Variants in GPC6 observed in about 807,000 individuals in gnomAD.
GPC6 encodes glypican 6.
In GPC6, 14 loss-of-function variants were observed where a neutral mutation model predicts 55.2. The ratio of observed to expected loss-of-function variants is 0.25; its 90% confidence interval spans 0.17 to 0.40. The LOEUF (loss-of-function observed/expected upper bound fraction) is 0.40. Ranked by LOEUF, GPC6 falls within the 10% of genes least tolerant of loss-of-function variation. The pLI, the probability that GPC6 is intolerant of heterozygous loss-of-function variation, is 1.00. For synonymous variants in GPC6, 278 were observed against 259.6 expected (o/e 1.07, Z -0.68); for missense variants, 641 against 708.5 (o/e 0.90, Z 1.08).
At chr13:93,739,867 C>G (rs1252807427) in intron 2 of GPC6, among the ~76,000 whole-genome samples, 4 of 152,028 alleles carry the variant, frequency 2.6e-5, no homozygotes, top group Admixed American at 2.6e-4. Context: ...AGAAGTCACA[C>G]AGTAAATCAA....
At chr13:94,007,921 A>G (rs1566645462) in intron 3 of GPC6, among the ~76,000 whole-genome samples, 1 of 152,192 alleles carries the variant, frequency 6.6e-6, no homozygotes, top group African/African-American at 2.4e-5. Flanking sequence ...TCACTTAAAA[A>G]AAGGAGAAAG....
At chr13:94,236,186 T>A (rs1483863304) in intron 4 of GPC6, among the ~76,000 whole-genome samples, 1 of 152,152 alleles carries the variant, frequency 6.6e-6, no homozygotes, top group African/African-American at 2.4e-5. Context: ...GTTTCATCAT[T>A]AATTAAAGAA....
intron 4 of GPC6, among the ~76,000 whole-genome samples, chr13:94,060,175 G>C (rs1884270386): frequency 6.6e-6 from 1 of 152,162 alleles, no homozygotes; most frequent in Non-Finnish European, 1.5e-5. Context: ...ACACTCAAAT[G>C]TACCTAGTTA....
chr13:93,515,042 C>T (rs766560359), intron 1 of GPC6, among the ~76,000 whole-genome samples: 47 of 152,182 alleles, frequency 3.1e-4, no homozygotes, highest in Admixed American at 5.9e-4. Context: ...GGTGGAGGCT[C>T]ATGGTAGTAT....
chr13:93,667,748 T>TTTTTTTTTTC (rs1555322121), intron 2 of GPC6, among the ~76,000 whole-genome samples: 17 of 151,220 alleles, frequency 1.1e-4, no homozygotes, highest in Admixed American at 2.0e-4. Context: ...TTTTTTTTTT[T>TTTTTTTTTTC]CTGTCAAATT....
chr13:93,662,915 C>T (rs901439476), intron 2 of GPC6, among the ~76,000 whole-genome samples: 1 of 151,906 alleles, frequency 6.6e-6, no homozygotes, highest in African/African-American at 2.4e-5. Context: ...TAGAGTTAAT[C>T]AGAATTCTGG....
At chr13:93,282,166 G>A (rs1307208744) in intron 1 of GPC6, among the ~76,000 whole-genome samples, 1 of 152,174 alleles carries the variant, frequency 6.6e-6, no homozygotes, top group African/African-American at 2.4e-5. Flanking sequence ...GGGACCAAAT[G>A]TTTTGAAGTG....
chr13:93,635,593 G>A (rs1250404539), intron 2 of GPC6, among the ~76,000 whole-genome samples: 4 of 152,064 alleles, frequency 2.6e-5, no homozygotes, highest in African/African-American at 4.8e-5. Flanking sequence ...TCAAATATTC[G>A]CCTTCTGTTC....
intron 1 of GPC6, among the ~76,000 whole-genome samples, chr13:93,415,334 C>G (rs1383840129): frequency 6.6e-6 from 1 of 152,016 alleles, no homozygotes; most frequent in Non-Finnish European, 1.5e-5. Context: ...GGTTTATAAA[C>G]TAAACTTTCT....
At chr13:94,143,635 T>C (rs1887459680) in intron 4 of GPC6, among the ~76,000 whole-genome samples, 1 of 152,110 alleles carries the variant, frequency 6.6e-6, no homozygotes, top group African/African-American at 2.4e-5. Flanking sequence ...ATGCCTATAA[T>C]CCCTGCACTT....
At chr13:94,149,189 T>C (rs976709380) in intron 4 of GPC6, among the ~76,000 whole-genome samples, 1 of 152,034 alleles carries the variant, frequency 6.6e-6, no homozygotes, top group Non-Finnish European at 1.5e-5. Flanking sequence ...CCATGGACAG[T>C]GTAAGTACTG....
In GPC6 at chr13:94,388,086, G is replaced by A. The variant is rs141206638; in HGVS notation, c.1289+5536G>A. On this transcript the variant is annotated intron_variant, in intron 7 of 8. Transcript: ENST00000377047. ...CCAGATCTAGCACATAAAGATAATA[G>A]ACAACAAATGGAACACACTTATACT... Among the ~76,000 whole-genome samples the A allele has an allele frequency of 9.2e-4, 140 of 152,252 alleles. 8 individuals are homozygous for A. The East Asian group carries it at 0.026, about 28-fold the overall frequency.
At chr13:93,552,248 C>G (rs1566419629) in intron 2 of GPC6, among the ~76,000 whole-genome samples, 1 of 152,202 alleles carries the variant, frequency 6.6e-6, no homozygotes, top group Non-Finnish European at 1.5e-5. Context: ...AAGGGCAGAT[C>G]TTCCAAAAAT....
chr13:94,257,213 C>T (rs578154124), intron 4 of GPC6, among the ~76,000 whole-genome samples: 1 of 152,104 alleles, frequency 6.6e-6, no homozygotes, highest in East Asian at 1.9e-4. Flanking sequence ...TCCTGAATGA[C>T]AAAAAATCAA....
intron 1 of GPC6, among the ~76,000 whole-genome samples, chr13:93,416,140 A>C (rs1216636193): frequency 6.6e-6 from 1 of 152,072 alleles, no homozygotes; most frequent in Non-Finnish European, 1.5e-5. Context: ...TGCTTGAAAA[A>C]TTGGTGTTAT....
intron 4 of GPC6, among the ~76,000 whole-genome samples, chr13:94,280,555 A>G (rs1892348958): frequency 3.3e-5 from 5 of 152,214 alleles, no homozygotes; most frequent in Admixed American, 2.6e-4. Context: ...CCCTAGTTAC[A>G]TTCATGCCAT....
intron 1 of GPC6, among the ~76,000 whole-genome samples, chr13:93,246,215 C>T (rs1029742023): frequency 6.6e-6 from 1 of 152,152 alleles, no homozygotes; most frequent in Non-Finnish European, 1.5e-5. Context: ...GCATTTTGTA[C>T]ACATTGAATT....
chr13:93,530,229 G>A (rs1027933800), intron 1 of GPC6, among the ~76,000 whole-genome samples: 6 of 152,116 alleles, frequency 3.9e-5, no homozygotes, highest in Non-Finnish European at 8.8e-5. Flanking sequence ...TGCAAAACCT[G>A]GATCAGTTAC....
intron 1 of GPC6, among the ~76,000 whole-genome samples, chr13:93,426,978 C>T (rs974820063): frequency 6.6e-6 from 1 of 150,518 alleles, no homozygotes; most frequent in Admixed American, 6.7e-5. Flanking sequence ...TTGCATTTCT[C>T]TGATGGCCAG....
Sources: allele counts gnomAD v4.1 joint callset (sites outside exome capture counted in the v4.1 genomes callset), GRCh38; gene constraint gnomAD v4.1.1; transcripts MANE v1.5; gene names NCBI Gene and HGNC (gene_info 2026-07-23, HGNC 2026-07-21).